Variants in GLCCI1 observed in about 807,000 individuals in gnomAD.
The protein encoded by GLCCI1 is glucocorticoid induced 1, also known as glucocorticoid-induced transcript 1 protein.
In GLCCI1, 24 loss-of-function variants were observed where a neutral mutation model predicts 52.2. That is an observed-to-expected ratio of 0.46 (90% CI 0.33 to 0.65). The LOEUF (loss-of-function observed/expected upper bound fraction) is 0.65. GLCCI1 is among the 30% of genes least tolerant of loss of function. The pLI, the probability that GLCCI1 is intolerant of heterozygous loss-of-function variation, is 0.02. For missense variants in GLCCI1, 704 were observed against 701.5 expected, an observed-to-expected ratio of 1.00 and a Z score of -0.04; for synonymous variants, 310 against 276.5, an observed-to-expected ratio of 1.12 and a Z score of -1.20.
intron 6 of GLCCI1, among the ~76,000 whole-genome samples, chr7:8,077,442 A>G (rs1406934104): frequency 6.6e-6 from 1 of 152,192 alleles, no homozygotes; most frequent in Non-Finnish European, 1.5e-5. Flanking sequence ...ACTGGAGTTG[A>G]GATAGACCCA....
At chr7:8,010,511 A>G (rs1488730754) in intron 2 of GLCCI1, among the ~76,000 whole-genome samples, 2 of 152,206 alleles carry the variant, frequency 1.3e-5, no homozygotes, top group African/African-American at 4.8e-5. Flanking sequence ...AGGGATGCTT[A>G]GTGATATATT....
intron 5 of GLCCI1, among the ~76,000 whole-genome samples, chr7:8,065,722 C>G (rs530727339): frequency 1.1e-3 from 163 of 152,256 alleles, no homozygotes; most frequent in African/African-American, 3.7e-3. Flanking sequence ...ATATGTTGAA[C>G]CAACATTGCA....
chr7:8,026,286 A>AC (rs1411849455), intron 3 of GLCCI1, among the ~76,000 whole-genome samples: 4 of 152,210 alleles, frequency 2.6e-5, no homozygotes, highest in African/African-American at 9.6e-5. Context: ...AAAAACAAAC[A>AC]CCAGAGGAAT....
intron 3 of GLCCI1, among the ~76,000 whole-genome samples, chr7:8,037,109 T>A (rs992381464): frequency 1.4e-5 from 2 of 147,528 alleles, no homozygotes; most frequent in Non-Finnish European, 3.0e-5. Flanking sequence ...ACAAAGTCAG[T>A]GTGAAGGAAA....
At chr7:8,013,991 C>CTTTT (rs561039125) in intron 2 of GLCCI1, among the ~76,000 whole-genome samples, 1 of 133,288 alleles carries the variant, frequency 7.5e-6, no homozygotes, top group Non-Finnish European at 1.6e-5. Flanking sequence ...AAGGCCTTGA[C>CTTTT]TTTTTTTTTT....
chr7:7,973,172 T>G (rs1030692885), intron 1 of GLCCI1, among the ~76,000 whole-genome samples: 1 of 152,198 alleles, frequency 6.6e-6, no homozygotes, highest in African/African-American at 2.4e-5. Flanking sequence ...GTTATTTTTT[T>G]GTAATGGTAA....
At chr7:7,989,199 T>C (rs1421343939) in intron 1 of GLCCI1, among the ~76,000 whole-genome samples, 1 of 152,186 alleles carries the variant, frequency 6.6e-6, no homozygotes, top group Non-Finnish European at 1.5e-5. Context: ...CGGCTAGCAT[T>C]ACCACCCTTA....
chr7:8,061,730 C>T (rs1475695779), intron 5 of GLCCI1, among the ~76,000 whole-genome samples: 1 of 137,238 alleles, frequency 7.3e-6, no homozygotes, highest in Non-Finnish European at 1.5e-5. Context: ...GCAGTGGCAC[C>T]ATCTCGGCTC....
rs746675606 is a variant in GLCCI1 at position 8,086,530 on chromosome 7, A to G, written c.1636A>G (p.Ile546Val). Residue 546 changes from isoleucine to valine, a missense_variant, in exon 8 of 8, where the codon ATC becomes GTC. By Grantham distance (29) the Ile-to-Val change is conservative. This residue lies in a region of GLCCI1 where 149 missense variants were observed against 152.9 expected (regional missense o/e 0.97). Coordinates refer to ENST00000223145, the MANE Select transcript of GLCCI1 (RefSeq NM_138426.4). The surrounding 1 kb of genome is among the most constrained non-coding windows in gnomAD (Gnocchi z 4.4). ...CCACATCTCTGCTCAGAACTATGTG[A>G]TCATCTAAAAAAGGGGGAGCTGGCC... ...EDHISAQNYV[I>V]I 3.2e-6 allele frequency: 5 copies of G among 1,581,346 alleles called. No homozygotes were observed. The East Asian group carries it at 1.1e-4, about 35-fold the overall frequency.
At chr7:8,024,702 T>A (rs1781573616) in intron 3 of GLCCI1, 1 of 152,236 alleles carries the variant, frequency 6.6e-6, no homozygotes, top group Admixed American at 6.5e-5. Flanking sequence ...GAACATTTGA[T>A]TGTTTTCCAC....
intron 5 of GLCCI1, among the ~76,000 whole-genome samples, chr7:8,067,055 C>G (rs1212044109): frequency 6.6e-6 from 1 of 152,152 alleles, no homozygotes; most frequent in Non-Finnish European, 1.5e-5. Flanking sequence ...TTTTATGAAT[C>G]TGGGTGCCCC....
intron 3 of GLCCI1, among the ~76,000 whole-genome samples, chr7:8,034,927 A>G (rs1562436214): frequency 6.6e-6 from 1 of 152,120 alleles, no homozygotes; most frequent in Non-Finnish European, 1.5e-5. Context: ...ACACCAGACT[A>G]CCAGCTCATG....
Position 7,998,204 on chromosome 7 carries a change from T to G in GLCCI1, c.458-5704T>G, listed in dbSNP as rs192585532. The stretch of plus-strand genomic sequence containing the variant: ...TTTTTTTTTTTTTGTTGTTGTTGTT[T>G]TTTGTTTTGTTTCGTTTTGTTTTGC... On this transcript the variant is annotated intron_variant, in intron 1 of 7. Transcript: ENST00000223145. Among the ~76,000 whole-genome samples, 266 of 151,742 alleles carry G rather than the reference T, an allele frequency of 1.8e-3. 2 individuals carry two copies. Among genetic ancestry groups the G allele is most frequent in the Admixed American group, 0.014 (220 of 15,234 alleles).
At chr7:7,990,906 A>G (rs1359803088) in intron 1 of GLCCI1, among the ~76,000 whole-genome samples, 1 of 152,080 alleles carries the variant, frequency 6.6e-6, no homozygotes, top group Non-Finnish European at 1.5e-5. Context: ...TTTCCTAGTA[A>G]ACAACATATT....
rs1221624263 is a variant in GLCCI1, at chr7:8,042,926, T to A, written c.697-12507T>A. Reference sequence around the variant, plus strand: ...AACAGCATCACATGCTACAAAGAAATCTGGTATGAAAGGAAAAGTCAGTCA... The same window carrying A: ...AACAGCATCACATGCTACAAAGAAAACTGGTATGAAAGGAAAAGTCAGTCA... On this transcript the variant is annotated intron_variant, in intron 3 of 7. Transcript: ENST00000223145. Among the ~76,000 whole-genome samples, 4 of 152,054 alleles carry A rather than the reference T, an allele frequency of 2.6e-5. 1 individual carries two copies. Among genetic ancestry groups the A allele is most frequent in the Non-Finnish European group, 5.9e-5 (4 of 68,014 alleles).
intron 1 of GLCCI1, among the ~76,000 whole-genome samples, chr7:7,998,302 C>T (rs1480244518): frequency 6.6e-6 from 1 of 151,912 alleles, no homozygotes. Context: ...CTGAAACCTC[C>T]GCCTTTCGGG....
intron 1 of GLCCI1, among the ~76,000 whole-genome samples, chr7:7,992,040 A>G (rs1011538626): frequency 7.4e-6 from 1 of 135,568 alleles, no homozygotes; most frequent in African/African-American, 2.7e-5. Flanking sequence ...ATTAGAATTT[A>G]TTTTTTCTTT....
intron 6 of GLCCI1, 92 bp downstream of exon 6, chr7:8,071,223 G>C (rs1254842962): frequency 3.1e-6 from 3 of 973,150 alleles, no homozygotes; most frequent in Non-Finnish European, 4.6e-6. Context: ...TTTTTCTTTT[G>C]TTCAATGGTG....
chr7:7,980,396 T>C, intron 1 of GLCCI1: 1 of 217,978 alleles, frequency 4.6e-6, no homozygotes, highest in Non-Finnish European at 8.9e-6. Flanking sequence ...TGTGAACTTT[T>C]TGAGAGCAGG....
Sources: gnomAD v4.1 joint callset for allele counts (sites outside exome capture counted in the v4.1 genomes callset) on GRCh38, gnomAD v4.1.1 for gene constraint, gnomAD v4.1.1 regional missense constraint, Gnocchi (gnomAD v3.1) non-coding constraint, MANE v1.5 for transcripts, NCBI Gene and HGNC (gene_info 2026-07-23, HGNC 2026-07-21) for gene names.